Variants in ACSM2B observed in about 807,000 individuals in gnomAD.
ACSM2B encodes the protein acyl-coenzyme A synthetase ACSM2B, mitochondrial.
In ACSM2B, 58 loss-of-function variants were observed where a neutral mutation model predicts 78.6. The observed-to-expected ratio is 0.74, with a 90% CI of 0.60 to 0.92. The LOEUF (loss-of-function observed/expected upper bound fraction) is 0.92, where lower values mean the gene tolerates loss of function less well. Ranked by LOEUF, ACSM2B falls within the 40% of genes least tolerant of loss-of-function variation. The pLI is 0.00. For synonymous variants in ACSM2B, 257 were observed against 256.8 expected (o/e 1.00, Z -0.01); for missense variants, 688 against 711.2 (o/e 0.97, Z 0.37).
At chr16:20,552,069 C>G in intron 6 of ACSM2B, 75 bp downstream of exon 6, 1 of 1,524,000 alleles carries the variant, frequency 6.6e-7, no homozygotes, top group Non-Finnish European at 8.8e-7. Flanking sequence ...TGAATTGAAA[C>G]AAACTACAAA....
Position 20,551,254 on chromosome 16 carries a change from G to T in ACSM2B, c.894+890C>A, listed in dbSNP as rs1015375984. Among the ~76,000 whole-genome samples, 4 of 152,012 alleles carry T rather than the reference G, an allele frequency of 2.6e-5. No individual in the cohort carries two copies. The South Asian group carries it at 8.3e-4, about 32-fold the overall frequency. On this transcript the variant is annotated intron_variant, in intron 6 of 13. Transcript: ENST00000329697. ...GTGGGAATGTTTCATGTCTTTATCT[G>T]GTGGTGTTTACAGGGGTGTCTGATA... is the stretch of plus-strand genomic sequence containing the variant.
At chr16:20,556,953 T>G (rs190569630) in intron 3 of ACSM2B, among the ~76,000 whole-genome samples, 1 of 152,144 alleles carries the variant, frequency 6.6e-6, no homozygotes. Context: ...TTCTAATTCC[T>G]GGCTGCATTC....
chr16:20,569,898 T>C (rs2152149518), intron 1 of ACSM2B, among the ~76,000 whole-genome samples: 1 of 152,038 alleles, frequency 6.6e-6, no homozygotes, highest in East Asian at 1.9e-4. Context: ...CTGGTTTTTG[T>C]ACATTAATTT....
chr16:20,565,109 T>C (rs1168231159), intron 1 of ACSM2B, among the ~76,000 whole-genome samples: 1 of 152,148 alleles, frequency 6.6e-6, no homozygotes, highest in Non-Finnish European at 1.5e-5. Context: ...TTAACACCCA[T>C]TTCCATATAA....
chr16:20,544,000 G>A (rs550916751), intron 10 of ACSM2B, among the ~76,000 whole-genome samples: 1 of 152,302 alleles, frequency 6.6e-6, no homozygotes, highest in African/African-American at 2.4e-5. Context: ...AGAAGCCAGG[G>A]TTCTTGGCTA....
chr16:20,561,670 A>G (rs1402986033), intron 2 of ACSM2B, among the ~76,000 whole-genome samples: 3 of 151,380 alleles, frequency 2.0e-5, no homozygotes, highest in Non-Finnish European at 4.4e-5. Context: ...TCACATTGAA[A>G]AATACAATAA....
intron 6 of ACSM2B, 66 bp downstream of exon 6, chr16:20,552,076 CAA>C (rs2015326807): frequency 6.6e-7 from 1 of 1,524,366 alleles, no homozygotes; most frequent in Non-Finnish European, 8.8e-7. Context: ...AAACAAACTA[CAA>C]AAAATTGAAG....
At chr16:20,558,846 C>T (rs2015554157) in intron 3 of ACSM2B, among the ~76,000 whole-genome samples, 2 of 152,180 alleles carry the variant, frequency 1.3e-5, no homozygotes, top group African/African-American at 4.8e-5. Flanking sequence ...TATAATAAAA[C>T]TTTATTTACA....
chr16:20,564,597 T>C (rs1438298726), intron 2 of ACSM2B, 72 bp downstream of exon 2: 2 of 1,514,084 alleles, frequency 1.3e-6, no homozygotes, highest in Non-Finnish European at 1.8e-6. Context: ...AACAAATATT[T>C]ACTGAATTAA....
intron 1 of ACSM2B, chr16:20,574,090 A>G (rs1215803087): frequency 1.3e-5 from 2 of 152,192 alleles, no homozygotes; most frequent in African/African-American, 4.8e-5. Flanking sequence ...ACACTCCCAG[A>G]GCGGCCATCT....
chr16:20,564,143 G>A (rs1238187271), intron 2 of ACSM2B, among the ~76,000 whole-genome samples: 1 of 152,160 alleles, frequency 6.6e-6, no homozygotes, highest in African/African-American at 2.4e-5. Flanking sequence ...TCACTCTGTG[G>A]AGTGCGGTGG....
At chr16:20,553,098 CTT>C (rs1377473996) in intron 5 of ACSM2B, among the ~76,000 whole-genome samples, 2 of 152,114 alleles carry the variant, frequency 1.3e-5, no homozygotes, top group Admixed American at 6.6e-5. Flanking sequence ...TTTTTACTAA[CTT>C]ATTTATTTTT....
Position 20,559,271 on chromosome 16 carries a change from C to T in ACSM2B, c.354G>A (p.Glu118=), listed in dbSNP as rs765231557. ...RVAVMLPRVP[E]WWLVILGCIR... is the part of the protein sequence containing the mutation. ...TGCAGCCCAGGATCACCAGCCACCA[C>T]TCAGGCACTCGGGGCAGCATCACTG... The change falls in exon 3 of 14, where the codon GAG becomes GAA. Residue 118 remains glutamate, a synonymous_variant. Coordinates refer to ENST00000329697, the MANE Select transcript of ACSM2B (RefSeq NM_001105069.2). 12 of 1,613,490 alleles carry T rather than the reference C, an allele frequency of 7.4e-6. No homozygotes were observed. The highest frequency in any genetic ancestry group is 1.3e-5 in the African/African-American group (1 of 74,868).
intron 13 of ACSM2B, among the ~76,000 whole-genome samples, chr16:20,538,695 C>T (rs114614696): frequency 0.029 from 4,420 of 152,198 alleles, 90 homozygotes; most frequent in Middle Eastern, 0.044. Flanking sequence ...TGATAGGACT[C>T]CTTGACTCAG....
intron 1 of ACSM2B, among the ~76,000 whole-genome samples, chr16:20,572,148 A>G (rs1334418314): frequency 1.3e-5 from 2 of 150,840 alleles, no homozygotes; most frequent in South Asian, 2.1e-4. Context: ...TTTTTTCTTT[A>G]TTGTATTTTT....
intron 1 of ACSM2B, among the ~76,000 whole-genome samples, chr16:20,566,062 T>C (rs2015816634): frequency 6.8e-6 from 1 of 147,976 alleles, no homozygotes; most frequent in African/African-American, 2.5e-5. Context: ...TATATGATAC[T>C]ATAAATAATA....
At chr16:20,576,000 G>T (rs971796453) in intron 1 of ACSM2B, among the ~76,000 whole-genome samples, 1 of 149,602 alleles carries the variant, frequency 6.7e-6, no homozygotes, top group Admixed American at 6.6e-5. Context: ...AGCTGCCCTC[G>T]TCTCTCCCTG....
chr16:20,569,452 C>A (rs2016031906), intron 1 of ACSM2B, among the ~76,000 whole-genome samples: 1 of 151,888 alleles, frequency 6.6e-6, no homozygotes, highest in South Asian at 2.1e-4. Flanking sequence ...TTATACCAGA[C>A]CATGCTGTTT....
At chr16:20,556,614 GA>G (rs1025530549) in intron 3 of ACSM2B, among the ~76,000 whole-genome samples, 12 of 152,086 alleles carry the variant, frequency 7.9e-5, no homozygotes, top group African/African-American at 2.7e-4. Context: ...AAAAATAAAA[GA>G]AAAAGAAAAG....
Sources: gnomAD v4.1 joint callset for allele counts (sites outside exome capture counted in the v4.1 genomes callset) on GRCh38, gnomAD v4.1.1 for gene constraint, MANE v1.5 for transcripts, NCBI Gene and HGNC (gene_info 2026-07-23, HGNC 2026-07-21) for gene names.